The following F10 variants were observed in gnomAD, a reference collection of about 807,000 sequenced individuals.
The protein encoded by F10 is coagulation factor X, also known as Stuart-Prower factor.
In F10, 29 loss-of-function variants were observed where a neutral mutation model predicts 37.1. The ratio of observed to expected loss-of-function variants is 0.78; its 90% CI spans 0.58 to 1.07. F10 has a LOEUF of 1.07. Ranked by LOEUF, F10 falls within the 50% of genes least tolerant of loss-of-function variation. The probability of loss-of-function intolerance (pLI) is 0.00; values close to 1 mark genes in which losing one functional copy is unlikely to be tolerated. For synonymous variants in F10, 262 were observed against 268.6 expected (o/e 0.98, Z 0.24); for missense variants, 539 against 667.9 (o/e 0.81, Z 2.13).
chr13:113,140,902 G>A lies in F10; in HGVS notation c.371-17G>A, dbSNP rs771274188. On this transcript the variant is annotated splice_polypyrimidine_tract_variant and intron_variant, in intron 4 of 7. Transcript: ENST00000375559. ...TTCTCCAGCTGTCCCCAGAGCCAAC[G>A]TGCCTCTCCTTTGCAGTCACACGGA... 9.9e-6 allele frequency: 16 copies of A among 1,613,838 alleles called. No homozygotes were observed. The Middle Eastern group carries it at 6.6e-4, about 66-fold the overall frequency.
intron 1 of F10, among the ~76,000 whole-genome samples, chr13:113,125,452 G>A (rs961836941): frequency 1.3e-5 from 2 of 152,206 alleles, no homozygotes; most frequent in Non-Finnish European, 2.9e-5. Context: ...TGTGCTCGAG[G>A]ATTGCAATGC....
chr13:113,129,430 C>G (rs199754366), intron 1 of F10, 22 bp from the exon 2 acceptor site: 61 of 1,593,094 alleles, frequency 3.8e-5, no homozygotes, highest in South Asian at 6.7e-5. Context: ...GAGCTTTTAA[C>G]CCTGTCCTCC....
In F10 at chr13:113,148,917, G is replaced by A. The variant is rs546723477; in HGVS notation, c.867G>A (p.Gly289=). 6 of 1,613,332 alleles carry A rather than the reference G, an allele frequency of 3.7e-6. No individual in the cohort carries two copies. The African/African-American group carries it at 5.3e-5, about 14-fold the overall frequency. ...YQAKRFKVRV[G]DRNTEQEEGG... Reference sequence around the variant, plus strand: ...CACAGTCCCACTCGTCTGTCCCAGGGGACCGGAACACGGAGCAGGAGGAGG... The same window carrying A: ...CACAGTCCCACTCGTCTGTCCCAGGAGACCGGAACACGGAGCAGGAGGAGG... Residue 289 remains glycine (G), a splice_region_variant and synonymous_variant, in exon 8 of 8, where the codon GGG becomes GGA. Coordinates refer to ENST00000375559, the MANE Select transcript of F10 (RefSeq NM_000504.4).
At chr13:113,126,074 G>A (rs1461784816) in intron 1 of F10, among the ~76,000 whole-genome samples, 1 of 152,166 alleles carries the variant, frequency 6.6e-6, no homozygotes, top group Non-Finnish European at 1.5e-5. Context: ...GTTGGGCTCA[G>A]CCAGGGTCAG....
chr13:113,148,350 A>ATATATATATATGTATATATATATGCG (rs2036602905), intron 7 of F10, among the ~76,000 whole-genome samples: 1 of 109,334 alleles, frequency 9.1e-6, no homozygotes, highest in African/African-American at 3.4e-5. Context: ...AAAAAAATAT[A>ATATATATATATGTATATATATATGCG]TATATATATA....
At chr13:113,147,343 T>C (rs1412303295) in intron 6 of F10, 36 bp from the exon 7 acceptor site, 3 of 1,460,700 alleles carry the variant, frequency 2.1e-6, no homozygotes, top group Admixed American at 3.3e-5. Flanking sequence ...CCTGTCCACC[T>C]GGCCAGCCAC....
In F10 at chr13:113,143,045, G is replaced by C. The variant is rs1260041623; in HGVS notation, c.503-806G>C. On this transcript the variant is annotated intron_variant, in intron 5 of 7. Transcript: ENST00000375559. The surrounding 1 kb of genome is among the most constrained non-coding windows in gnomAD (Gnocchi z 6.8). ...CGGCGGGGTGGAGGCCCCTGCGGCT[G>C]GCAGATTCACCGGAGCCTCCTCAGA... Among the ~76,000 whole-genome samples the C allele has an allele frequency of 1.3e-5, 2 of 152,074 alleles. No individual in the cohort carries two copies. The highest frequency in any genetic ancestry group is 4.8e-5 in the African/African-American group (2 of 41,398).
intron 2 of F10, among the ~76,000 whole-genome samples, chr13:113,135,688 T>G (rs2036472457): frequency 6.6e-6 from 1 of 152,224 alleles, no homozygotes; most frequent in African/African-American, 2.4e-5. Context: ...AACAATTATA[T>G]ATTTATATGC....
intron 2 of F10, among the ~76,000 whole-genome samples, chr13:113,134,677 G>A (rs895346339): frequency 1.3e-5 from 2 of 152,212 alleles, no homozygotes; most frequent in African/African-American, 4.8e-5. Context: ...ATTTGCAAAT[G>A]AGTGTAACAA....
At position 113,141,041 on chromosome 13, in the gene F10, A is replaced by C. The variant is rs762601543; in HGVS notation, c.493A>C (p.Ile165Leu). 1.2e-6 allele frequency: 2 copies of C among 1,613,774 alleles called. No homozygotes were observed. The highest frequency in any genetic ancestry group is 1.7e-6 in the Non-Finnish European group (2 of 1,180,014). Residue 165 changes from isoleucine to leucine, a missense_variant, in exon 5 of 8, where the codon ATT becomes CTT. Ile to Leu is a conservative substitution (Grantham distance 5). Around this residue, in one of 2 missense-constraint regions of F10, gnomAD observed 409 missense variants for 547.9 expected, o/e 0.75. Transcript: ENST00000375559. The surrounding 1 kb of genome is among the most constrained non-coding windows in gnomAD (Gnocchi z 5.4). Reference sequence around the variant, plus strand: ...CCTGGCTGACAACGGCAAGGCCTGCATTCCCACAGGTAGGAGGCACGTTGG... The same window carrying C: ...CCTGGCTGACAACGGCAAGGCCTGCCTTCCCACAGGTAGGAGGCACGTTGG... ...YTLADNGKAC[I>L]PTGPYPCGKQ...
rs755005962 is a variant in F10 at position 113,141,061 on chromosome 13, C to G, written c.502+11C>G. 3 of 1,612,854 alleles carry G rather than the reference C, an allele frequency of 1.9e-6. No individual in the cohort carries two copies. The highest frequency in any genetic ancestry group is 2.2e-5 in the South Asian group (2 of 91,086). On this transcript the variant is annotated intron_variant, in intron 5 of 7. Coordinates refer to ENST00000375559, the MANE Select transcript of F10 (RefSeq NM_000504.4). The surrounding 1 kb of genome is among the most constrained non-coding windows in gnomAD (Gnocchi z 5.4). ...CCTGCATTCCCACAGGTAGGAGGCA[C>G]GTTGGGCCACAGCCACCCGCTGCCG...
intron 1 of F10, among the ~76,000 whole-genome samples, chr13:113,124,659 G>A (rs1326085679): frequency 1.3e-5 from 2 of 152,256 alleles, no homozygotes; most frequent in African/African-American, 2.4e-5. Context: ...AGCATCTGCA[G>A]TCTAGCCTTT....
Position 113,148,902 on chromosome 13 carries a change from CTCG to C in F10, c.866-11_866-9del. The C allele has an allele frequency of 6.2e-7, 1 of 1,612,140 alleles. No individual in the cohort carries two copies. Among genetic ancestry groups the C allele is most frequent in the Non-Finnish European group, 8.5e-7 (1 of 1,178,880 alleles). On this transcript the variant is annotated splice_polypyrimidine_tract_variant and intron_variant, in intron 7 of 7. Coordinates refer to ENST00000375559, the MANE Select transcript of F10 (RefSeq NM_000504.4). ...CCTGGCTGAGCTGAGCACAGTCCCA[CTCG>C]TCTGTCCCAGGGGACCGGAACACGG...
rs1217296908 is a variant in F10 at position 113,146,809 on chromosome 13, C to T, written c.748-570C>T. On this transcript the variant is annotated intron_variant, in intron 6 of 7. Transcript: ENST00000375559. This position sits in a 1 kb window ranked among gnomAD's most constrained non-coding sequence, Gnocchi z 4.5. ...GGCTCCAAACTTGCAAGTCCAGCTC[C>T]CTAGGGACAGCATGTGGCACCCCTG... Among the ~76,000 whole-genome samples, 1 of 152,128 alleles carries T rather than the reference C, an allele frequency of 6.6e-6. No individual in the cohort carries two copies. The highest frequency in any genetic ancestry group is 1.5e-5 in the Non-Finnish European group (1 of 68,012).
intron 1 of F10, among the ~76,000 whole-genome samples, 163 bp from the exon 2 acceptor site, chr13:113,129,289 T>A (rs1050659494): frequency 3.3e-5 from 5 of 152,142 alleles, no homozygotes; most frequent in African/African-American, 1.2e-4. Context: ...ACGGGTCCAC[T>A]CAGTGAGTTG....
In F10 at chr13:113,143,699, A is replaced by AGAAT; in HGVS notation, c.503-152_503-151insGAAT. The AGAAT allele has an allele frequency of 1.2e-5, 15 of 1,203,542 alleles. No individual in the cohort carries two copies. The highest frequency in any genetic ancestry group is 7.0e-5 in the South Asian group (5 of 71,412). 74.6% of individuals were successfully genotyped at this position (1,203,542 alleles called of 1,614,324 possible). A position where few individuals can be genotyped will look rare whatever the true frequency, so the allele number is the denominator to read the frequency against. ...CCTGCAGATCCGACCCCTGCCGACGACGTGGGGCCTCGCCCTGCAAGCCCG... is the reference window on the plus strand; with the variant it reads ...CCTGCAGATCCGACCCCTGCCGACGAGAATCGTGGGGCCTCGCCCTGCAAGCCCG... On this transcript the variant is annotated intron_variant, in intron 5 of 7. Transcript: ENST00000375559. This position sits in a 1 kb window ranked among gnomAD's most constrained non-coding sequence, Gnocchi z 6.8.
In F10 at chr13:113,139,313, G is replaced by T. The variant is rs375448366; in HGVS notation, c.257-44G>T. ...ACAGCAAAACTGTTTCCATGATGCC[G>T]GAAACAGCTTGCAGACTCCAGTTTC... On this transcript the variant is annotated intron_variant, in intron 3 of 7. Coordinates refer to ENST00000375559, the MANE Select transcript of F10 (RefSeq NM_000504.4). The surrounding 1 kb of genome is among the most constrained non-coding windows in gnomAD (Gnocchi z 5.2). The T allele has an allele frequency of 1.3e-6, 2 of 1,531,132 alleles. No homozygotes were observed. Among genetic ancestry groups the T allele is most frequent in the East Asian group, 4.5e-5 (2 of 44,324 alleles). 94.8% of individuals were successfully genotyped at this position (1,531,132 alleles called of 1,614,324 possible). A position where few individuals can be genotyped will look rare whatever the true frequency, so the allele number is the denominator to read the frequency against.
chr13:113,144,014 G>C lies in F10; in HGVS notation c.666G>C (p.Gln222His). Residue 222 changes from glutamine (Q) to histidine (H), a missense_variant, in exon 6 of 8, where the codon CAG becomes CAC. Gln to His is a conservative substitution (Grantham distance 24). This residue lies in a region of F10 where 409 missense variants were observed against 547.9 expected (regional missense o/e 0.75). Coordinates refer to ENST00000375559, the MANE Select transcript of F10 (RefSeq NM_000504.4). This position sits in a 1 kb window ranked among gnomAD's most constrained non-coding sequence, Gnocchi z 6.4. ...ENPFDLLDFNQTQPERGDNNL... is the reference protein window; with the variant it reads ...ENPFDLLDFNHTQPERGDNNL... ...CCTTCGACCTGCTTGACTTCAACCAGACGCAGCCTGAGAGGGGCGACAACA... is the reference window on the plus strand; with the variant it reads ...CCTTCGACCTGCTTGACTTCAACCACACGCAGCCTGAGAGGGGCGACAACA... 2 of 1,613,646 alleles carry C rather than the reference G, an allele frequency of 1.2e-6. No homozygotes were observed. Among genetic ancestry groups the C allele is most frequent in the Non-Finnish European group, 1.7e-6 (2 of 1,179,988 alleles).
chr13:113,145,171 T>C (rs1463226065), intron 6 of F10, among the ~76,000 whole-genome samples: 3 of 152,176 alleles, frequency 2.0e-5, no homozygotes, highest in East Asian at 1.9e-4. Context: ...TGAGACAATG[T>C]GCCCGGCCAT....
Sources: gnomAD v4.1 joint callset for allele counts (sites outside exome capture counted in the v4.1 genomes callset) on GRCh38, gnomAD v4.1.1 for gene constraint, gnomAD v4.1.1 regional missense constraint, Gnocchi (gnomAD v3.1) non-coding constraint, MANE v1.5 for transcripts, NCBI Gene and HGNC (gene_info 2026-07-23, HGNC 2026-07-21) for gene names.